The following RGS7 variants were observed in gnomAD, a reference collection of about 807,000 sequenced individuals.
The protein encoded by RGS7 is regulator of G-protein signaling 7.
Under a neutral mutation model 81.1 loss-of-function variants are expected in RGS7, and 27 were observed. The observed-to-expected ratio is 0.33, with a 90% CI of 0.25 to 0.46. RGS7 has a LOEUF of 0.46. RGS7 is among the 20% of genes least tolerant of loss of function. RGS7 has a pLI of 1.00. For synonymous variants in RGS7, 208 were observed against 207.7 expected (o/e 1.00, Z -0.01); for missense variants, 396 against 607.4 (o/e 0.65, Z 3.66).
chr1:240,966,320 C>T (rs769876305), intron 4 of RGS7, among the ~76,000 whole-genome samples: 1 of 152,016 alleles, frequency 6.6e-6, no homozygotes, highest in Admixed American at 6.6e-5. Context: ...CAAAGTATAA[C>T]CGAAAGCAGT....
chr1:241,042,296 G>C (rs973613990), intron 3 of RGS7, among the ~76,000 whole-genome samples: 1 of 152,118 alleles, frequency 6.6e-6, no homozygotes, highest in Non-Finnish European at 1.5e-5. Context: ...TCCCCTAAAA[G>C]TTCACCACTC....
rs2148519105 is a variant in RGS7, at chr1:240,973,610, G to GCC, written c.226+9468_226+9469insGG. On this transcript the variant is annotated intron_variant, in intron 4 of 18. Coordinates refer to ENST00000440928, the MANE Select transcript of RGS7 (RefSeq NM_001364886.1). ...TAACAGAGACATTCTTTTTTTTGGA[G>GCC]ATGGAGTCTCGCTCTGTTGCCCAGG... 2.0e-5 allele frequency among the ~76,000 whole-genome samples: 3 copies of GCC among 151,802 alleles called. No individual in the cohort carries two copies. The South Asian group carries it at 6.3e-4, about 32-fold the overall frequency.
chr1:240,993,712 A>G (rs569009127), intron 3 of RGS7, among the ~76,000 whole-genome samples: 1 of 151,530 alleles, frequency 6.6e-6, no homozygotes, highest in Non-Finnish European at 1.5e-5. Flanking sequence ...TTTAATTTGG[A>G]TGAGGTCCAA....
At chr1:241,120,372 G>A (rs2066166786) in intron 2 of RGS7, among the ~76,000 whole-genome samples, 1 of 152,162 alleles carries the variant, frequency 6.6e-6, no homozygotes, top group Admixed American at 6.5e-5. Flanking sequence ...TTTAGAGACA[G>A]GGTCTTGCTC....
intron 2 of RGS7, among the ~76,000 whole-genome samples, chr1:241,237,958 G>A (rs1176037950): frequency 4.6e-5 from 7 of 152,152 alleles, no homozygotes; most frequent in Non-Finnish European, 8.8e-5. Flanking sequence ...GAAACAAACC[G>A]TCTCTCAGCG....
At chr1:240,799,988 T>C (rs993162508) in intron 18 of RGS7, among the ~76,000 whole-genome samples, 8 of 152,200 alleles carry the variant, frequency 5.3e-5, no homozygotes, top group African/African-American at 1.9e-4. Flanking sequence ...CTTTCCATCT[T>C]CCCCAGGTTA....
chr1:240,940,498 TC>T (rs1677408729), intron 4 of RGS7, among the ~76,000 whole-genome samples: 2 of 152,210 alleles, frequency 1.3e-5, no homozygotes, highest in African/African-American at 4.8e-5. Context: ...CCATCTGTCT[TC>T]GTATAGCCAT....
intron 2 of RGS7, among the ~76,000 whole-genome samples, chr1:241,285,716 A>C (rs2078770514): frequency 6.6e-6 from 1 of 152,190 alleles, no homozygotes; most frequent in East Asian, 1.9e-4. Context: ...ACTGTTTTCA[A>C]GTAATAAATG....
At chr1:241,253,049 C>T (rs994737588) in intron 2 of RGS7, among the ~76,000 whole-genome samples, 25 of 152,222 alleles carry the variant, frequency 1.6e-4, no homozygotes, top group African/African-American at 5.3e-4. Flanking sequence ...ACAGTGATTA[C>T]ATATTTTCTT....
At chr1:240,870,808 T>C (rs530081858) in intron 6 of RGS7, among the ~76,000 whole-genome samples, 2 of 152,348 alleles carry the variant, frequency 1.3e-5, no homozygotes, top group South Asian at 2.1e-4. Context: ...CATTCAACGA[T>C]GTCCAGATTC....
At chr1:241,259,289 G>A (rs1362553712) in intron 2 of RGS7, among the ~76,000 whole-genome samples, 3 of 152,028 alleles carry the variant, frequency 2.0e-5, no homozygotes, top group Non-Finnish European at 4.4e-5. Context: ...ATGGACCTTT[G>A]GGTGTGGCAT....
At chr1:241,078,274 T>C (rs1212587000) in intron 3 of RGS7, among the ~76,000 whole-genome samples, 1 of 148,160 alleles carries the variant, frequency 6.7e-6, no homozygotes, top group Non-Finnish European at 1.5e-5. Flanking sequence ...TATAACATAT[T>C]TTTCCTGTGA....
At chr1:241,187,165 G>C (rs2072197716) in intron 2 of RGS7, among the ~76,000 whole-genome samples, 1 of 151,970 alleles carries the variant, frequency 6.6e-6, no homozygotes, top group Non-Finnish European at 1.5e-5. Flanking sequence ...AAAAAGGAAA[G>C]GCAGATGTTG....
chr1:240,954,847 T>C (rs1680109891), intron 4 of RGS7, among the ~76,000 whole-genome samples: 1 of 152,048 alleles, frequency 6.6e-6, no homozygotes. Flanking sequence ...ACGTAGAAAA[T>C]CCCAAAGAAT....
intron 2 of RGS7, among the ~76,000 whole-genome samples, chr1:241,127,740 A>C (rs1018692272): frequency 1.3e-4 from 20 of 152,228 alleles, no homozygotes; most frequent in Admixed American, 1.1e-3. Flanking sequence ...ATCAATTGAA[A>C]TTAATAGAAG....
intron 9 of RGS7, among the ~76,000 whole-genome samples, chr1:240,827,441 C>T (rs1693032370): frequency 1.3e-5 from 2 of 152,216 alleles, no homozygotes; most frequent in Admixed American, 1.3e-4. Flanking sequence ...ACTCGGACTG[C>T]ACATGTGAAA....
intron 2 of RGS7, among the ~76,000 whole-genome samples, chr1:241,175,225 T>A (rs1206497614): frequency 6.6e-6 from 1 of 152,098 alleles, no homozygotes; most frequent in Admixed American, 6.6e-5. Context: ...AGAAGGGAGA[T>A]ATATGAGAAA....
Position 240,825,638 on chromosome 1 carries a change from C to T in RGS7, c.684+1460G>A, listed in dbSNP as rs1031826882. On this transcript the variant is annotated intron_variant, in intron 10 of 18. Coordinates refer to ENST00000440928, the MANE Select transcript of RGS7 (RefSeq NM_001364886.1). The stretch of plus-strand genomic sequence containing the variant: ...TATCGAGACAAAGAGAGCTAGATCT[C>T]AATGACTCTGTTTCTTTACAATATT... Among the ~76,000 whole-genome samples, 3 of 152,168 alleles carry T rather than the reference C, an allele frequency of 2.0e-5. No homozygotes were observed. In the East Asian group the frequency reaches 5.8e-4, roughly 29 times the overall value.
chr1:241,349,827 T>C (rs2083123452), intron 2 of RGS7, among the ~76,000 whole-genome samples: 1 of 152,204 alleles, frequency 6.6e-6, no homozygotes, highest in Non-Finnish European at 1.5e-5. Context: ...AGACTTAACA[T>C]TAAAGTCACT....
Sources: allele counts gnomAD v4.1 joint callset (sites outside exome capture counted in the v4.1 genomes callset), GRCh38; gene constraint gnomAD v4.1.1; transcripts MANE v1.5; gene names NCBI Gene and HGNC (gene_info 2026-07-23, HGNC 2026-07-21).